SEC22C: variants seen among roughly 807,000 people sequenced by gnomAD.
SEC22C encodes vesicle-trafficking protein SEC22c.
A neutral mutation model predicts 34.7 loss-of-function variants in SEC22C; 29 were observed. That is an observed-to-expected ratio of 0.84 (90% CI 0.62 to 1.14). SEC22C has a LOEUF of 1.14. Among genes scored for constraint, SEC22C ranks in the 50% most tolerant of loss-of-function variants. SEC22C has a pLI of 0.00. For missense variants in SEC22C, 337 were observed against 369.0 expected, an observed-to-expected ratio of 0.91 and a Z score of 0.71; for synonymous variants, 117 against 132.8, an observed-to-expected ratio of 0.88 and a Z score of 0.82.
At chr3:42,582,318 G>A (rs1317895905), upstream of SEC22C, 1 of 152,328 alleles carries the variant, frequency 6.6e-6, no homozygotes, top group Non-Finnish European at 1.5e-5. Flanking sequence ...GAGGCTCCGC[G>A]TGACAGAGTG....
chr3:42,563,900 A>G lies in SEC22C; in HGVS notation c.183-214T>C, dbSNP rs1405514344. On this transcript the variant is annotated intron_variant, in intron 2 of 6. Coordinates refer to ENST00000264454, the MANE Select transcript of SEC22C (RefSeq NM_032970.4). ...AAATGTCTAGTAGTCTTAATCAATGACAGCCTGTGATCACTCTTATTTATT... is the reference window on the plus strand; with the variant it reads ...AAATGTCTAGTAGTCTTAATCAATGGCAGCCTGTGATCACTCTTATTTATT... 3 of 1,447,772 alleles carry G rather than the reference A, an allele frequency of 2.1e-6. No homozygotes were observed. The Admixed American group carries it at 6.2e-5, about 30-fold the overall frequency. 89.7% of individuals were successfully genotyped at this position (1,447,772 alleles called of 1,614,324 possible). A position where few individuals can be genotyped will look rare whatever the true frequency, so the allele number is the denominator to read the frequency against.
chr3:42,559,335 T>C (rs1463381688), intron 4 of SEC22C, among the ~76,000 whole-genome samples: 4 of 152,200 alleles, frequency 2.6e-5, no homozygotes, highest in Admixed American at 6.5e-5. Flanking sequence ...CACAGTAAAA[T>C]GTCCTAGAAA....
chr3:42,599,844 T>C (rs1705208087), intron 1 of SEC22C, among the ~76,000 whole-genome samples: 2 of 152,136 alleles, frequency 1.3e-5, no homozygotes, highest in East Asian at 3.8e-4. Flanking sequence ...GTAAAACATA[T>C]ATGAGAACAC....
At position 42,556,012 on chromosome 3, in the gene SEC22C, G is replaced by A. The variant is rs1358654199; in HGVS notation, c.646-17C>T. Reference sequence around the variant, plus strand: ...ATGGGCAACCTAAAACAAATACAAGGAACACAAGGAAAGGGATATTTAGAT... The same window carrying A: ...ATGGGCAACCTAAAACAAATACAAGAAACACAAGGAAAGGGATATTTAGAT... On this transcript the variant is annotated splice_polypyrimidine_tract_variant and intron_variant, in intron 5 of 6. Transcript: ENST00000264454. 1 of 1,595,028 alleles carries A rather than the reference G, an allele frequency of 6.3e-7. No individual in the cohort carries two copies. Among genetic ancestry groups the A allele is most frequent in the Non-Finnish European group, 8.6e-7 (1 of 1,164,548 alleles).
rs544656670 is a variant in SEC22C, at chr3:42,581,924, G to A, written c.-106C>T. 1 of 152,334 alleles carries A rather than the reference G, an allele frequency of 6.6e-6. No homozygotes were observed. Among genetic ancestry groups the A allele is most frequent in the East Asian group, 1.9e-4 (1 of 5,178 alleles). 9.4% of individuals were successfully genotyped at this position (152,334 alleles called of 1,614,324 possible). A position where few individuals can be genotyped will look rare whatever the true frequency, so the allele number is the denominator to read the frequency against. On this transcript the variant is annotated 5_prime_UTR_variant, in exon 1 of 7. Coordinates refer to ENST00000264454, the MANE Select transcript of SEC22C (RefSeq NM_032970.4). The stretch of plus-strand genomic sequence containing the variant: ...CCTCAGCAATCTTAGCCGACCGGGA[G>A]GGCTCGGCCCAGGTCACCGGCAGCC...
chr3:42,559,987 G>A (rs1702774283), intron 4 of SEC22C, among the ~76,000 whole-genome samples: 1 of 151,552 alleles, frequency 6.6e-6, no homozygotes, highest in African/African-American at 2.4e-5. Context: ...AACGTTAGAA[G>A]CCCTGGCTCC....
At position 42,549,036 on chromosome 3, in the gene SEC22C, A is replaced by T. The variant is rs528834992; in HGVS notation, c.*4212T>A. The T allele has an allele frequency of 1.3e-5, 13 of 993,424 alleles. No individual in the cohort carries two copies. The East Asian group carries it at 5.0e-4, about 38-fold the overall frequency. The allele number at this position is 993,424 out of a possible 1,614,324, so 61.5% of individuals were successfully genotyped here. A position where few individuals can be genotyped will look rare whatever the true frequency, so the allele number is the denominator to read the frequency against. Reference sequence around the variant, plus strand: ...GGCAGTGATTTGTGCACTGCGACATAGGACTCAGTGAAGAGCCTAGCCAGC... The same window carrying T: ...GGCAGTGATTTGTGCACTGCGACATTGGACTCAGTGAAGAGCCTAGCCAGC... On this transcript the variant is annotated 3_prime_UTR_variant, in exon 7 of 7. Transcript: ENST00000264454.
chr3:42,556,833 C>T (rs1354363578), intron 5 of SEC22C, among the ~76,000 whole-genome samples: 1 of 152,132 alleles, frequency 6.6e-6, no homozygotes, highest in Non-Finnish European at 1.5e-5. Flanking sequence ...AAGCGACTCT[C>T]CCACCTCAGC....
chr3:42,553,052 T>C lies in SEC22C; in HGVS notation c.*196A>G. The stretch of plus-strand genomic sequence containing the variant: ...CTGGCTGGAGATCCTGCAGTAATGC[T>C]TGGCACAGAACCAAGGCTGGGTATC... On this transcript the variant is annotated 3_prime_UTR_variant, in exon 7 of 7. Transcript: ENST00000264454. 4.2e-6 allele frequency: 6 copies of C among 1,421,706 alleles called. No homozygotes were observed. The highest frequency in any genetic ancestry group is 5.5e-6 in the Non-Finnish European group (6 of 1,093,344). The allele number at this position is 1,421,706 out of a possible 1,614,324, so 88.1% of individuals were successfully genotyped here. A position where few individuals can be genotyped will look rare whatever the true frequency, so the allele number is the denominator to read the frequency against.
intron 4 of SEC22C, among the ~76,000 whole-genome samples, chr3:42,558,907 A>G (rs1702711154): frequency 6.6e-6 from 1 of 152,248 alleles, no homozygotes; most frequent in South Asian, 2.1e-4. Flanking sequence ...ATATGCCTCA[A>G]CATTCAACTT....
rs1702242181 is a variant in SEC22C, at chr3:42,551,249, T to C, written c.*1999A>G. The C allele has an allele frequency of 1.0e-6, 1 of 985,294 alleles. No individual in the cohort carries two copies. Among genetic ancestry groups the C allele is most frequent in the Non-Finnish European group, 1.2e-6 (1 of 829,926 alleles). The allele number at this position is 985,294 out of a possible 1,614,324, so 61.0% of individuals were successfully genotyped here. On this transcript the variant is annotated 3_prime_UTR_variant, in exon 7 of 7. Coordinates refer to ENST00000264454, the MANE Select transcript of SEC22C (RefSeq NM_032970.4). ...ATTGTCTCCCAGAAAAACTGAAAAT[T>C]CACCTGCTGGGTATGCAGAAAATTA...
intron 1 of SEC22C, chr3:42,590,782 A>T (rs940222345): frequency 9.5e-6 from 10 of 1,048,726 alleles, no homozygotes; most frequent in African/African-American, 4.7e-5. Context: ...GTCACAAATG[A>T]CGTCCCTTCT....
chr3:42,566,191 T>C (rs1478697983), intron 2 of SEC22C, among the ~76,000 whole-genome samples: 1 of 152,186 alleles, frequency 6.6e-6, no homozygotes, highest in Non-Finnish European at 1.5e-5. Flanking sequence ...TGTTTGCTCC[T>C]AAACATCCAG....
chr3:42,590,732 G>A lies in SEC22C; in HGVS notation c.-28+10228C>T, dbSNP rs529108382. 3.2e-5 allele frequency: 24 copies of A among 755,506 alleles called. No homozygotes were observed. The African/African-American group carries it at 4.1e-4, about 13-fold the overall frequency. 46.8% of individuals were successfully genotyped at this position (755,506 alleles called of 1,614,324 possible). A position where few individuals can be genotyped will look rare whatever the true frequency, so the allele number is the denominator to read the frequency against. On this transcript the variant is annotated intron_variant, in intron 1 of 6. Coordinates refer to the SEC22C transcript ENST00000417572. ...AAACGCCCCCGGCGTTCTGGGGGCT[G>A]GGACCGAGGAAAGCGCTGAGTATAG...
At chr3:42,566,608 G>C (rs1703261116) in intron 2 of SEC22C, 1 of 159,228 alleles carries the variant, frequency 6.3e-6, no homozygotes, top group East Asian at 1.8e-4. Context: ...GAACCCAAGA[G>C]GCAGAGCTTG....
rs1702894145 is a variant in SEC22C, at chr3:42,561,315, A to C, written c.347-19T>G. On this transcript the variant is annotated intron_variant, in intron 3 of 6. Coordinates refer to ENST00000264454, the MANE Select transcript of SEC22C (RefSeq NM_032970.4). ...ATGCTGTCTGCAAAAAGAGAGCAAC[A>C]CAAGTTAAGCATTTTCATCAGAATG... 6.2e-7 allele frequency: 1 copy of C among 1,611,994 alleles called. No individual in the cohort carries two copies. The highest frequency in any genetic ancestry group is 8.5e-7 in the Non-Finnish European group (1 of 1,178,068).
intron 1 of SEC22C, among the ~76,000 whole-genome samples, chr3:42,591,966 T>C (rs2125740722): frequency 6.6e-6 from 1 of 152,266 alleles, no homozygotes; most frequent in Non-Finnish European, 1.5e-5. Flanking sequence ...TCATCCTTTC[T>C]CTGTTAAGTG....
At chr3:42,579,438 CAA>C (rs11326002) in intron 1 of SEC22C, 5,079 of 98,084 alleles carry the variant, frequency 0.052, 139 homozygotes, top group East Asian at 0.15. Flanking sequence ...CCCATCTCTA[CAA>C]AAAAAAAAAA....
chr3:42,549,194 GA>G lies in SEC22C; in HGVS notation c.*4053del, dbSNP rs1662123568. On this transcript the variant is annotated 3_prime_UTR_variant, in exon 7 of 7. Transcript: ENST00000264454. ...CCCAGACCTGTGCAATATTCTACAC[GA>G]AAACATTTGGAATGTGAGCAATGTC... is the stretch of plus-strand genomic sequence containing the variant. 1 of 986,742 alleles carries G rather than the reference GA, an allele frequency of 1.0e-6. No homozygotes were observed. Among genetic ancestry groups the G allele is most frequent in the African/African-American group, 1.7e-5 (1 of 57,274 alleles). The allele number at this position is 986,742 out of a possible 1,614,324, so 61.1% of individuals were successfully genotyped here.
Sources: allele counts gnomAD v4.1 joint callset (sites outside exome capture counted in the v4.1 genomes callset), GRCh38; gene constraint gnomAD v4.1.1; transcripts MANE v1.5; gene names NCBI Gene and HGNC (gene_info 2026-07-23, HGNC 2026-07-21).